The following TIAM2 variants were observed in gnomAD, a reference collection of about 807,000 sequenced individuals.
TIAM2 encodes the protein rho guanine nucleotide exchange factor TIAM2.
TIAM2 carries 80 observed loss-of-function variants against 152.9 expected under a neutral mutation model. The observed-to-expected ratio is 0.52, with a 90% CI of 0.44 to 0.63. The LOEUF (loss-of-function observed/expected upper bound fraction) is 0.63. Among genes scored for constraint, TIAM2 ranks in the 30% least tolerant of loss-of-function variants. TIAM2 has a pLI of 0.00. For synonymous variants in TIAM2, 804 were observed against 838.0 expected (o/e 0.96, Z 0.70); for missense variants, 1,965 against 2,120.1 (o/e 0.93, Z 1.44).
intron 1 of TIAM2, among the ~76,000 whole-genome samples, chr6:155,009,243 A>G (rs986908456): frequency 1.3e-5 from 2 of 151,912 alleles, no homozygotes; most frequent in African/African-American, 4.8e-5. Context: ...CTGAGACTAC[A>G]GCCGTGAGCC....
At chr6:155,202,792 C>A (rs1218388948) in intron 14 of TIAM2, among the ~76,000 whole-genome samples, 1 of 149,630 alleles carries the variant, frequency 6.7e-6, no homozygotes, top group Non-Finnish European at 1.5e-5. Context: ...AATCCCAGCA[C>A]TTTGGGAGGC....
intron 1 of TIAM2, among the ~76,000 whole-genome samples, chr6:155,060,786 T>C (rs562077723): frequency 6.6e-6 from 1 of 152,256 alleles, no homozygotes; most frequent in African/African-American, 2.4e-5. Context: ...CCCCAGCTAC[T>C]TGGGAGGCTG....
intron 26 of TIAM2, chr6:155,254,776 T>C (rs1783896785): frequency 1.0e-5 from 6 of 580,516 alleles, no homozygotes; most frequent in Non-Finnish European, 1.5e-5. Flanking sequence ...CAGTCCCTTG[T>C]CTTCCTACCC....
At position 155,207,432 on chromosome 6, in the gene TIAM2, AT is replaced by A. The variant is rs537628836; in HGVS notation, c.3065-3770del. 9.2e-5 allele frequency among the ~76,000 whole-genome samples: 14 copies of A among 152,298 alleles called. No homozygotes were observed. The South Asian group carries it at 2.9e-3, about 32-fold the overall frequency. ...GTCATGTCCAGGACAGTGTTGGCAC[AT>A]TGCTGGTGGCTGCAGGGACTCTGTA... On this transcript the variant is annotated intron_variant, in intron 14 of 26. Transcript: ENST00000682666.
At position 155,174,515 on chromosome 6, in the gene TIAM2, C is replaced by T. The variant is rs549721178; in HGVS notation, c.2362-2301C>T. On this transcript the variant is annotated intron_variant, in intron 9 of 26. Transcript: ENST00000682666. This position sits in a 1 kb window ranked among gnomAD's most constrained non-coding sequence, Gnocchi z 4.2. ...CCTCCTGAGTAGCTGGGGCTACAGA[C>T]GCGTGCCACCATGCCCGGATAATTT... Among the ~76,000 whole-genome samples the T allele has an allele frequency of 3.2e-4, 48 of 152,212 alleles. No homozygotes were observed. Among genetic ancestry groups the T allele is most frequent in the African/African-American group, 9.1e-4 (38 of 41,544 alleles).
At chr6:155,155,695 G>C (rs931398064) in intron 7 of TIAM2, among the ~76,000 whole-genome samples, 1 of 152,028 alleles carries the variant, frequency 6.6e-6, no homozygotes, top group African/African-American at 2.4e-5. Context: ...GGCTGGTCTC[G>C]AACTCCTGAC....
At chr6:155,245,865 G>C (rs1783298201) in intron 19 of TIAM2, 134 bp downstream of exon 19, 1 of 526,166 alleles carries the variant, frequency 1.9e-6, no homozygotes, top group Admixed American at 3.8e-5. Context: ...GACCTTGACA[G>C]TGGCAAATAT....
intron 14 of TIAM2, among the ~76,000 whole-genome samples, chr6:155,199,997 A>G (rs1166407466): frequency 6.6e-6 from 1 of 152,232 alleles, no homozygotes; most frequent in Non-Finnish European, 1.5e-5. Context: ...ACACACAGAT[A>G]GAACTGTGTC....
rs1247933367 is a variant in TIAM2, at chr6:155,174,005, C to A, written c.2362-2811C>A. Among the ~76,000 whole-genome samples, 1 of 152,208 alleles carries A rather than the reference C, an allele frequency of 6.6e-6. No homozygotes were observed. The highest frequency in any genetic ancestry group is 1.9e-4 in the East Asian group (1 of 5,200). ...TGGAGCAGGAGCATGCCACTCCCTT[C>A]TGGGGAATGTTCCCTGAGCCATTCT... On this transcript the variant is annotated intron_variant, in intron 9 of 26. Transcript: ENST00000682666. This position sits in a 1 kb window ranked among gnomAD's most constrained non-coding sequence, Gnocchi z 4.2.
intron 15 of TIAM2, among the ~76,000 whole-genome samples, chr6:155,215,107 C>T (rs1781820781): frequency 6.6e-6 from 1 of 152,162 alleles, no homozygotes; most frequent in Admixed American, 6.5e-5. Flanking sequence ...TTATGATCTG[C>T]TTGAGTTACA....
Position 155,137,159 on chromosome 6 carries a change from CAT to C in TIAM2, c.1195-17_1195-16del, listed in dbSNP as rs747524779. On this transcript the variant is annotated splice_polypyrimidine_tract_variant and intron_variant, in intron 4 of 26. Coordinates refer to ENST00000682666, the MANE Select transcript of TIAM2 (RefSeq NM_012454.4). ...ATAGCCGTAAGCTCTGATGGGTGATCATGTGTGTTTCTCACAGGAGCCGAGGT... is the reference window on the plus strand; with the variant it reads ...ATAGCCGTAAGCTCTGATGGGTGATCGTGTGTTTCTCACAGGAGCCGAGGT... 1 of 1,607,068 alleles carries C rather than the reference CAT, an allele frequency of 6.2e-7. No individual in the cohort carries two copies. The highest frequency in any genetic ancestry group is 1.1e-5 in the South Asian group (1 of 90,114).
Position 155,029,409 on chromosome 6 carries a change from A to ATACTATAT in TIAM2, c.-209+33917_-209+33918insTACTATAT, listed in dbSNP as rs1491541310. Among the ~76,000 whole-genome samples the ATACTATAT allele has an allele frequency of 4.6e-5, 4 of 86,164 alleles. 1 individual carries two copies. The highest frequency in any genetic ancestry group is 8.5e-5 in the Non-Finnish European group (4 of 47,282). 56.5% of individuals were successfully genotyped at this position (86,164 alleles called of 152,430 possible). A position where few individuals can be genotyped will look rare whatever the true frequency, so the allele number is the denominator to read the frequency against. ...GTTATATATATACTATAGTATATAT[A>ATACTATAT]ATATATACTATATATACTATAGTAT... On this transcript the variant is annotated intron_variant, in intron 1 of 26. Coordinates refer to ENST00000682666, the MANE Select transcript of TIAM2 (RefSeq NM_012454.4).
At chr6:155,044,784 C>G (rs1039832635) in intron 1 of TIAM2, among the ~76,000 whole-genome samples, 8 of 151,950 alleles carry the variant, frequency 5.3e-5, no homozygotes, top group Non-Finnish European at 1.2e-4. Context: ...CGCACTCCAG[C>G]CACGGTGCAC....
intron 9 of TIAM2, 87 bp from the exon 10 acceptor site, chr6:155,176,729 T>C (rs1780767976): frequency 1.2e-5 from 17 of 1,426,682 alleles, no homozygotes; most frequent in Non-Finnish European, 1.6e-5. Flanking sequence ...CTCTAAATAC[T>C]CCGTAAATGA....
intron 1 of TIAM2, among the ~76,000 whole-genome samples, chr6:155,071,959 A>G (rs1179735690): frequency 6.6e-6 from 1 of 152,062 alleles, no homozygotes; most frequent in Admixed American, 6.6e-5. Context: ...TTGTTAGGGA[A>G]GACGTTTTAG....
intron 6 of TIAM2, among the ~76,000 whole-genome samples, chr6:155,147,385 C>A (rs1779841874): frequency 6.6e-6 from 1 of 152,212 alleles, no homozygotes; most frequent in Non-Finnish European, 1.5e-5. Context: ...CAGCTCACTG[C>A]AACCTCCGCC....
intron 1 of TIAM2, among the ~76,000 whole-genome samples, chr6:155,032,221 C>A (rs187245141): frequency 1.3e-5 from 2 of 152,262 alleles, no homozygotes; most frequent in East Asian, 3.9e-4. Flanking sequence ...ACGTCTTAAG[C>A]CTGTGCGAAC....
intron 1 of TIAM2, among the ~76,000 whole-genome samples, chr6:155,009,925 T>C (rs1280152054): frequency 1.3e-5 from 2 of 152,084 alleles, no homozygotes; most frequent in African/African-American, 2.4e-5. Flanking sequence ...CAATCTCGGC[T>C]CACTGCAACC....
intron 10 of TIAM2, among the ~76,000 whole-genome samples, chr6:155,177,263 T>C (rs1193324962): frequency 1.3e-5 from 2 of 152,234 alleles, no homozygotes; most frequent in African/African-American, 4.8e-5. Context: ...AGAATAATTA[T>C]GAAATCCGTT....
Sources: allele counts gnomAD v4.1 joint callset (sites outside exome capture counted in the v4.1 genomes callset), GRCh38; gene constraint gnomAD v4.1.1; non-coding constraint Gnocchi (gnomAD v3.1); transcripts MANE v1.5; gene names NCBI Gene and HGNC (gene_info 2026-07-23, HGNC 2026-07-21).